Variants in TNPO1 observed in about 807,000 individuals in gnomAD.
TNPO1 encodes transportin 1.
Under a neutral mutation model 119.5 loss-of-function variants are expected in TNPO1, and 8 were observed. The observed-to-expected ratio is 0.07, with a 90% CI of 0.04 to 0.12. TNPO1 has a LOEUF of 0.12. TNPO1 is among the 10% of genes least tolerant of loss of function. TNPO1 has a pLI of 1.00. For missense variants in TNPO1, 576 were observed against 1,089.8 expected (o/e 0.53, Z 6.64); for synonymous variants, 362 against 363.0 (o/e 1.00, Z 0.03).
intron 3 of TNPO1, among the ~76,000 whole-genome samples, chr5:72,852,088 A>G (rs1380430340): frequency 1.3e-5 from 2 of 152,236 alleles, no homozygotes; most frequent in Non-Finnish European, 2.9e-5. Context: ...GTCACATACT[A>G]TTTTAAAATT....
At chr5:72,837,557 A>G (rs1340726661) in intron 1 of TNPO1, among the ~76,000 whole-genome samples, 1 of 152,238 alleles carries the variant, frequency 6.6e-6, no homozygotes, top group Non-Finnish European at 1.5e-5. Flanking sequence ...AAACATTCAA[A>G]CCATAGCATC....
intron 20 of TNPO1, among the ~76,000 whole-genome samples, chr5:72,898,565 C>A (rs1333062107): frequency 1.3e-5 from 2 of 152,000 alleles, no homozygotes; most frequent in East Asian, 3.9e-4. Flanking sequence ...TTATTAAAAT[C>A]ATTGTCAATG....
At chr5:72,858,555 T>G (rs1479119631) in intron 4 of TNPO1, among the ~76,000 whole-genome samples, 2 of 152,076 alleles carry the variant, frequency 1.3e-5, no homozygotes, top group Admixed American at 6.6e-5. Flanking sequence ...ACTAAAGTAT[T>G]GGCCAGGTGC....
chr5:72,879,003 G>T, intron 9 of TNPO1: 3 of 439,458 alleles, frequency 6.8e-6, no homozygotes, highest in South Asian at 5.3e-5. Context: ...TTAGTTTGCC[G>T]CCAGGAGTCT....
intron 2 of TNPO1, 141 bp downstream of exon 2, chr5:72,848,639 G>T: frequency 3.2e-6 from 1 of 313,266 alleles, no homozygotes; most frequent in East Asian, 5.8e-5. Flanking sequence ...GGGTCCGGGC[G>T]CGGGGGAAGC....
At chr5:72,891,783 T>C (rs565213741) in intron 14 of TNPO1, 27 bp from the exon 15 acceptor site, 2 of 1,506,246 alleles carry the variant, frequency 1.3e-6, no homozygotes, top group Non-Finnish European at 1.8e-6. Flanking sequence ...TAGTGGAATT[T>C]TATATGTTTT....
intron 1 of TNPO1, among the ~76,000 whole-genome samples, chr5:72,840,704 A>G (rs776962025): frequency 1.3e-5 from 2 of 152,046 alleles, no homozygotes; most frequent in Non-Finnish European, 2.9e-5. Context: ...CTTTTTTTTA[A>G]TGTTGATTTG....
In TNPO1 at chr5:72,816,751, G is replaced by C. The variant is rs770439001; in HGVS notation, c.14G>C (p.Arg5Pro). ...GAGGCGTCTGGGATGGTGTGGGACC[G>C]GGTAGGTGGCGTGAGGGTGCGCGGC... MVWD[R>P]QTKMEYEWKP... The change falls in exon 1 of 25, where the codon CGG (arginine) becomes CCG (proline). Residue 5 changes from arginine (R) to proline (P), a missense_variant and splice_region_variant. By Grantham distance (103) the Arg-to-Pro change is moderately radical (BLOSUM62 -2). Coordinates refer to ENST00000337273, the MANE Select transcript of TNPO1 (RefSeq NM_002270.4). 5.7e-6 allele frequency: 9 copies of C among 1,585,418 alleles called. No homozygotes were observed. The highest frequency in any genetic ancestry group is 1.2e-5 in the South Asian group (1 of 86,532).
At chr5:72,850,314 A>G (rs1190648780) in intron 2 of TNPO1, among the ~76,000 whole-genome samples, 2 of 152,198 alleles carry the variant, frequency 1.3e-5, no homozygotes, top group African/African-American at 4.8e-5. Context: ...CATTCACTAA[A>G]ACAAGAATTA....
chr5:72,885,808 C>T (rs1433847395), intron 11 of TNPO1, among the ~76,000 whole-genome samples: 1 of 146,612 alleles, frequency 6.8e-6, no homozygotes, highest in Admixed American at 6.9e-5. Context: ...ATTTACTATG[C>T]CTAGTTCACG....
chr5:72,910,069 T>C lies in TNPO1; in HGVS notation c.*1396T>C, dbSNP rs1429354449. The C allele has an allele frequency of 6.6e-6, 1 of 152,652 alleles. No homozygotes were observed. Among genetic ancestry groups the C allele is most frequent in the Non-Finnish European group, 1.5e-5 (1 of 68,026 alleles). The allele number at this position is 152,652 out of a possible 1,614,324, so 9.5% of individuals were successfully genotyped here. On this transcript the variant is annotated 3_prime_UTR_variant, in exon 25 of 25. Coordinates refer to ENST00000337273, the MANE Select transcript of TNPO1 (RefSeq NM_002270.4). Reference sequence around the variant, plus strand: ...GTTTATTCCCACTCAACATACTGCCTTCTAAGCTTCCCTTTTTTTGTTCAA... The same window carrying C: ...GTTTATTCCCACTCAACATACTGCCCTCTAAGCTTCCCTTTTTTTGTTCAA...
At chr5:72,851,126 A>T (rs1052550107) in intron 2 of TNPO1, 118 bp from the exon 3 acceptor site, 8 of 561,408 alleles carry the variant, frequency 1.4e-5, no homozygotes, top group Non-Finnish European at 2.5e-5. Flanking sequence ...TTCTTAGTTT[A>T]AAAAAAAAAC....
At chr5:72,871,102 G>A (rs1183500244) in intron 6 of TNPO1, among the ~76,000 whole-genome samples, 1 of 151,860 alleles carries the variant, frequency 6.6e-6, no homozygotes, top group Non-Finnish European at 1.5e-5. Context: ...TCAGCCTCCC[G>A]AATAGCTGGG....
intron 1 of TNPO1, among the ~76,000 whole-genome samples, chr5:72,846,867 C>A (rs945052160): frequency 6.6e-6 from 1 of 152,112 alleles, no homozygotes; most frequent in Admixed American, 6.5e-5. Context: ...GAATACTATT[C>A]ACTTTTTATT....
intron 12 of TNPO1, among the ~76,000 whole-genome samples, chr5:72,887,699 A>G (rs1226679267): frequency 1.3e-5 from 2 of 152,074 alleles, no homozygotes; most frequent in Non-Finnish European, 2.9e-5. Context: ...AAAAATAAAA[A>G]CAAAAAAATT....
At chr5:72,827,945 A>G (rs1744279932) in intron 1 of TNPO1, among the ~76,000 whole-genome samples, 1 of 151,926 alleles carries the variant, frequency 6.6e-6, no homozygotes, top group African/African-American at 2.4e-5. Flanking sequence ...GTTTTCTTTC[A>G]ACCAGCAAAG....
At chr5:72,875,798 A>G (rs1747720149) in intron 8 of TNPO1, 61 bp downstream of exon 8, 12 of 1,536,848 alleles carry the variant, frequency 7.8e-6, no homozygotes, top group Non-Finnish European at 1.1e-5. Flanking sequence ...TACTAGATAG[A>G]AAATACAACA....
intron 24 of TNPO1, among the ~76,000 whole-genome samples, chr5:72,906,140 A>G (rs1360161472): frequency 1.3e-5 from 2 of 152,036 alleles, no homozygotes; most frequent in South Asian, 2.1e-4. Flanking sequence ...GCATGAATTT[A>G]TAGTCTCTGC....
chr5:72,854,684 C>T (rs1036717425), intron 3 of TNPO1, among the ~76,000 whole-genome samples: 1 of 152,136 alleles, frequency 6.6e-6, no homozygotes, highest in Non-Finnish European at 1.5e-5. Flanking sequence ...ATAAGCATTT[C>T]GAAGATGTTA....
Sources: allele counts gnomAD v4.1 joint callset (sites outside exome capture counted in the v4.1 genomes callset), GRCh38; gene constraint gnomAD v4.1.1; transcripts MANE v1.5; gene names NCBI Gene and HGNC (gene_info 2026-07-23, HGNC 2026-07-21).